Variants in AP1B1 observed in about 807,000 individuals in gnomAD.
AP1B1 encodes AP-1 complex subunit beta-1.
In AP1B1, 36 loss-of-function variants were observed where a neutral mutation model predicts 104.3. The observed-to-expected ratio is 0.35, with a 90% CI of 0.26 to 0.46. The LOEUF (loss-of-function observed/expected upper bound fraction) is 0.46. AP1B1 is among the 20% of genes least tolerant of loss of function. The pLI is 1.00. For missense variants in AP1B1, 901 were observed against 1,247.9 expected (o/e 0.72, Z 4.19); for synonymous variants, 504 against 517.5 (o/e 0.97, Z 0.35).
chr22:29,335,672 G>C (rs544866978), intron 16 of AP1B1, among the ~76,000 whole-genome samples: 5 of 152,230 alleles, frequency 3.3e-5, no homozygotes, highest in African/African-American at 1.2e-4. Flanking sequence ...TTCCAATCCT[G>C]CAATGGCCTC....
At chr22:29,355,964 C>A (rs1300504809) in intron 6 of AP1B1, among the ~76,000 whole-genome samples, 2 of 152,140 alleles carry the variant, frequency 1.3e-5, no homozygotes, top group Non-Finnish European at 2.9e-5. Flanking sequence ...TTGGTTAAGA[C>A]CATGAGTCAG....
At chr22:29,355,873 A>G (rs986208764) in intron 6 of AP1B1, among the ~76,000 whole-genome samples, 9 of 151,868 alleles carry the variant, frequency 5.9e-5, no homozygotes, top group African/African-American at 2.2e-4. Flanking sequence ...AAAAAAAAAA[A>G]AGAACAAGCA....
At chr22:29,331,947 A>AG in intron 17 of AP1B1, 31 bp from the exon 18 acceptor site, 1 of 1,587,722 alleles carries the variant, frequency 6.3e-7, no homozygotes, top group Non-Finnish European at 8.6e-7. Flanking sequence ...CAGGGATGGC[A>AG]GGGGGAGTAG....
At chr22:29,331,759 T>C (rs1019002619) in intron 18 of AP1B1, 28 bp downstream of exon 18, 4 of 1,614,136 alleles carry the variant, frequency 2.5e-6, no homozygotes, top group Non-Finnish European at 3.4e-6. Context: ...GAGTAAGGAC[T>C]GGGGTGCCTG....
intron 18 of AP1B1, 121 bp downstream of exon 18, chr22:29,331,666 G>A: frequency 1.3e-6 from 2 of 1,589,498 alleles, no homozygotes; most frequent in Middle Eastern, 1.7e-4. Context: ...CCCAACCTGG[G>A]CCTCCCCAAC....
chr22:29,339,984 C>A (rs1212088551), intron 14 of AP1B1, among the ~76,000 whole-genome samples: 1 of 152,062 alleles, frequency 6.6e-6, no homozygotes, highest in Non-Finnish European at 1.5e-5. Context: ...ACCCCAACAC[C>A]TGTCCTGCAC....
chr22:29,383,690 C>CAAAAA (rs35180572), intron 1 of AP1B1, among the ~76,000 whole-genome samples: 1 of 89,804 alleles, frequency 1.1e-5, no homozygotes, highest in African/African-American at 4.5e-5. Context: ...GACTCCGTCT[C>CAAAAA]AAAAAAAAAA....
intron 7 of AP1B1, among the ~76,000 whole-genome samples, chr22:29,352,220 G>A (rs188445539): frequency 1.3e-5 from 2 of 152,360 alleles, no homozygotes; most frequent in East Asian, 3.8e-4. Flanking sequence ...ACTACTGCAG[G>A]TCTGGGACTG....
intron 2 of AP1B1, among the ~76,000 whole-genome samples, chr22:29,366,362 C>T (rs2062135712): frequency 6.6e-6 from 1 of 152,102 alleles, no homozygotes; most frequent in Non-Finnish European, 1.5e-5. Flanking sequence ...GCCTGACCGG[C>T]CGCGGTGGCT....
At chr22:29,382,433 C>G (rs889964561) in intron 1 of AP1B1, among the ~76,000 whole-genome samples, 1 of 152,164 alleles carries the variant, frequency 6.6e-6, no homozygotes, top group Non-Finnish European at 1.5e-5. Context: ...TTTCGTGTAC[C>G]AGAAACACTT....
intron 1 of AP1B1, among the ~76,000 whole-genome samples, chr22:29,376,501 G>A (rs559754813): frequency 6.6e-6 from 1 of 152,260 alleles, no homozygotes; most frequent in South Asian, 2.1e-4. Context: ...ATTCAAGCAG[G>A]GAAAACTGAT....
At chr22:29,332,703 C>A (rs112141643) in intron 17 of AP1B1, among the ~76,000 whole-genome samples, 1 of 152,162 alleles carries the variant, frequency 6.6e-6, no homozygotes, top group African/African-American at 2.4e-5. Context: ...AGGGTGAGGG[C>A]GCTGCTGAGA....
chr22:29,372,424 CAAAAAAAA>C (rs695265), intron 1 of AP1B1, among the ~76,000 whole-genome samples: 4 of 53,336 alleles, frequency 7.5e-5, no homozygotes, highest in African/African-American at 1.2e-4. Flanking sequence ...AACTGGGTCT[CAAAAAAAA>C]AAAAAAAAAG....
At chr22:29,364,546 G>A (rs2062101282) in intron 2 of AP1B1, among the ~76,000 whole-genome samples, 1 of 151,760 alleles carries the variant, frequency 6.6e-6, no homozygotes, top group South Asian at 2.1e-4. Context: ...AGCATACCGG[G>A]TAGCTGGGAC....
intron 6 of AP1B1, among the ~76,000 whole-genome samples, chr22:29,355,330 C>G (rs1208066630): frequency 6.6e-6 from 1 of 151,376 alleles, no homozygotes; most frequent in Non-Finnish European, 1.5e-5. Context: ...TATGGTGGTG[C>G]ATGCCTGTAG....
rs2061838504 is a variant in AP1B1, at chr22:29,349,359, C to T, written c.1296G>A (p.Leu432=). 6.2e-7 allele frequency: 1 copy of T among 1,613,906 alleles called. No homozygotes were observed. The part of the protein sequence containing the change: ...PNKYESVIAT[L]CENLDSLDEP... ...CATCCAGGGAGTCCAGATTCTCACACAGTGTGGCAATCACACTCTCATACC... is the reference window on the plus strand; with the variant it reads ...CATCCAGGGAGTCCAGATTCTCACATAGTGTGGCAATCACACTCTCATACC... The change falls in exon 11 of 23, where the codon CTG becomes CTA. Residue 432 remains leucine (L), a synonymous_variant. Transcript: ENST00000357586.
chr22:29,334,514 C>A lies in AP1B1; in HGVS notation c.2164-104G>T. 3 of 1,290,012 alleles carry A rather than the reference C, an allele frequency of 2.3e-6. No individual in the cohort carries two copies. The South Asian group carries it at 4.5e-5, about 19-fold the overall frequency. The allele number at this position is 1,290,012 out of a possible 1,614,324, so 79.9% of individuals were successfully genotyped here. ...TTTTTCTCTCTCTCTCCTGCAGGGGCCTCCCAGATCCAGCACCCCCACCTT... is the reference window on the plus strand; with the variant it reads ...TTTTTCTCTCTCTCTCCTGCAGGGGACTCCCAGATCCAGCACCCCCACCTT... On this transcript the variant is annotated intron_variant, in intron 16 of 22. Transcript: ENST00000357586.
In AP1B1 at chr22:29,358,803, C is replaced by T. The variant is rs1206004464; in HGVS notation, c.448G>A (p.Asp150Asn). The change falls in exon 5 of 23, where the codon GAC (aspartate) becomes AAC (asparagine). Residue 150 changes from aspartate to asparagine, a missense_variant. Coordinates refer to ENST00000357586, the MANE Select transcript of AP1B1 (RefSeq NM_001127.4). ...TAAVCVAKLH[D>N]INAQLVEDQG... ...TCCTCCACCAGCTGGGCGTTGATGTCGTGGAGCTTGGCCACGCACACAGCT... is the reference window on the plus strand; with the variant it reads ...TCCTCCACCAGCTGGGCGTTGATGTTGTGGAGCTTGGCCACGCACACAGCT... 3.1e-6 allele frequency: 5 copies of T among 1,614,194 alleles called. No individual in the cohort carries two copies. The highest frequency in any genetic ancestry group is 1.3e-5 in the African/African-American group (1 of 75,058).
intron 5 of AP1B1, among the ~76,000 whole-genome samples, chr22:29,357,152 C>G (rs1333473559): frequency 1.3e-5 from 2 of 151,828 alleles, no homozygotes; most frequent in African/African-American, 4.8e-5. Flanking sequence ...CAACCTCCAC[C>G]TCTTGGGTTC....
Sources: gnomAD v4.1 joint callset for allele counts (sites outside exome capture counted in the v4.1 genomes callset) on GRCh38, gnomAD v4.1.1 for gene constraint, MANE v1.5 for transcripts, NCBI Gene and HGNC (gene_info 2026-07-23, HGNC 2026-07-21) for gene names.